Variants in RPS2 observed in about 807,000 individuals in gnomAD.
RPS2 encodes the protein small ribosomal subunit protein uS5.
A neutral mutation model predicts 25.3 loss-of-function variants in RPS2; 8 were observed. That is an observed-to-expected ratio of 0.32 (90% CI 0.19 to 0.57). RPS2 has a LOEUF of 0.57. Ranked by LOEUF, RPS2 falls within the 20% of genes least tolerant of loss-of-function variation. The pLI, the probability that RPS2 is intolerant of heterozygous loss-of-function variation, is 0.90. For synonymous variants in RPS2, 181 were observed against 161.3 expected (o/e 1.12, Z -0.92); for missense variants, 229 against 408.1 (o/e 0.56, Z 3.78).
intron 6 of RPS2, 46 bp from the exon 7 acceptor site, chr16:1,962,316 C>T: frequency 6.4e-7 from 1 of 1,566,932 alleles, no homozygotes; most frequent in East Asian, 2.2e-5. Flanking sequence ...GTGCTTGAGG[C>T]AAGTCCCCCA....
intron 3 of RPS2, chr16:1,963,988 T>C (rs1386106866): frequency 1.3e-5 from 6 of 455,350 alleles, no homozygotes; most frequent in Non-Finnish European, 2.0e-5. Context: ...CATCATCCTC[T>C]CGGATGGCAT....
chr16:1,964,742 G>A (rs2083291536), intron 1 of RPS2, 65 bp downstream of exon 1: 3 of 593,934 alleles, frequency 5.1e-6, no homozygotes, highest in South Asian at 2.3e-5. Flanking sequence ...GCCTAGACCC[G>A]ACCCGATGTC....
chr16:1,964,254 C>T (rs566334570), intron 3 of RPS2, 22 bp downstream of exon 3: 4 of 1,586,224 alleles, frequency 2.5e-6, no homozygotes, highest in Admixed American at 1.7e-5. Flanking sequence ...ACTTGCTCAA[C>T]GCCCCAACGA....
Position 1,962,434 on chromosome 16 carries a change from T to G in RPS2, c.709+63A>C, listed in dbSNP as rs757759922. On this transcript the variant is annotated intron_variant, in intron 6 of 6. Coordinates refer to ENST00000343262, the MANE Select transcript of RPS2 (RefSeq NM_002952.4). ...CCCTGAAAACACGCCAAGCACACACTGGACCCGTGTGGTTAAGCGGAGCTG... is the reference window on the plus strand; with the variant it reads ...CCCTGAAAACACGCCAAGCACACACGGGACCCGTGTGGTTAAGCGGAGCTG... The G allele has an allele frequency of 2.0e-6, 3 of 1,491,110 alleles. No individual in the cohort carries two copies. The South Asian group carries it at 3.4e-5, about 17-fold the overall frequency. The allele number at this position is 1,491,110 out of a possible 1,614,324, so 92.4% of individuals were successfully genotyped here. A position where few individuals can be genotyped will look rare whatever the true frequency, so the allele number is the denominator to read the frequency against.
In RPS2 at chr16:1,963,413, C is replaced by T. The variant is rs1013896559; in HGVS notation, c.268-157G>A. ...TGGGCGGATCACAAGGTCAGGAGTC[C>T]GATACCAGCCTGGCCACATGGTGAA... is the stretch of plus-strand genomic sequence containing the variant. On this transcript the variant is annotated intron_variant, in intron 3 of 6. Transcript: ENST00000343262. 6.0e-5 allele frequency among the ~76,000 whole-genome samples: 9 copies of T among 149,578 alleles called. 1 individual carries two copies. Among genetic ancestry groups the T allele is most frequent in the South Asian group, 4.5e-4 (2 of 4,440 alleles).
chr16:1,963,397 C>CTT, intron 3 of RPS2, 141 bp from the exon 4 acceptor site: 1 of 604,538 alleles, frequency 1.7e-6, no homozygotes, highest in East Asian at 2.9e-5. Context: ...GTGGGCGGAT[C>CTT]ACAAGGTCAG....
chr16:1,964,399 G>C, intron 2 of RPS2, 34 bp from the exon 3 acceptor site: 2 of 1,612,978 alleles, frequency 1.2e-6, no homozygotes, highest in African/African-American at 2.7e-5. Context: ...GACCAGGACC[G>C]CTCTCCGGCG....
intron 4 of RPS2, 92 bp downstream of exon 4, chr16:1,963,057 C>A (rs753176895): frequency 2.2e-6 from 3 of 1,371,806 alleles, no homozygotes; most frequent in Non-Finnish European, 3.1e-6. Flanking sequence ...CTCCCCGTTA[C>A]GAAAGTCACA....
chr16:1,964,794 C>G lies in RPS2; in HGVS notation c.-4+13G>C, dbSNP rs557190217. On this transcript the variant is annotated intron_variant, in intron 1 of 6. Coordinates refer to ENST00000343262, the MANE Select transcript of RPS2 (RefSeq NM_002952.4). ...CCACGCAGAGGCCCGCTGCAGCGACCAACAGGACTCACGTGTTTTGTCGGA... is the reference window on the plus strand; with the variant it reads ...CCACGCAGAGGCCCGCTGCAGCGACGAACAGGACTCACGTGTTTTGTCGGA... 1 of 547,870 alleles carries G rather than the reference C, an allele frequency of 1.8e-6. No individual in the cohort carries two copies. The allele number at this position is 547,870 out of a possible 1,614,324, so 33.9% of individuals were successfully genotyped here.
chr16:1,964,433 C>G lies in RPS2; in HGVS notation c.177+16G>C. Reference sequence around the variant, plus strand: ...CGCCGCCCAGGGGCCCGACCCCGAGCGTGGCTGATACCTACCTCCTTATCC... The same window carrying G: ...CGCCGCCCAGGGGCCCGACCCCGAGGGTGGCTGATACCTACCTCCTTATCC... On this transcript the variant is annotated intron_variant, in intron 2 of 6. Coordinates refer to ENST00000343262, the MANE Select transcript of RPS2 (RefSeq NM_002952.4). 2 of 1,612,360 alleles carry G rather than the reference C, an allele frequency of 1.2e-6. No homozygotes were observed. Among genetic ancestry groups the G allele is most frequent in the Non-Finnish European group, 8.5e-7 (1 of 1,179,820 alleles).
intron 6 of RPS2, 76 bp from the exon 7 acceptor site, chr16:1,962,346 C>T (rs746035816): frequency 4.1e-6 from 6 of 1,446,002 alleles, no homozygotes; most frequent in South Asian, 3.4e-5. Context: ...TTGTCGCACT[C>T]CTAGGAACAG....
In RPS2 at chr16:1,962,564, G is replaced by A. The variant is rs762629626; in HGVS notation, c.642C>T (p.Leu214=). Residue 214 remains leucine (L), a synonymous_variant, in exon 6 of 7, where the codon CTC becomes CTT. Transcript: ENST00000343262. ...AGCAGTCATCGATACCAGCCATCAT[G>A]AGCAGCTTCTTAGGCACAGGTGCGG... is the stretch of plus-strand genomic sequence containing the variant. ...IVSAPVPKKL[L]MMAGIDDCYT... The A allele has an allele frequency of 5.6e-6, 9 of 1,611,288 alleles. No individual in the cohort carries two copies. Among genetic ancestry groups the A allele is most frequent in the African/African-American group, 4.0e-5 (3 of 74,862 alleles).
At chr16:1,963,300 CTT>C (rs1245681943) in intron 3 of RPS2, 44 bp from the exon 4 acceptor site, 5 of 1,272,780 alleles carry the variant, frequency 3.9e-6, no homozygotes, top group Admixed American at 2.3e-5. Context: ...TAAAAAAAAA[CTT>C]AATACCATTA....
chr16:1,963,125 G>A (rs2083272669), intron 4 of RPS2, 24 bp downstream of exon 4: 3 of 1,570,480 alleles, frequency 1.9e-6, no homozygotes, highest in Non-Finnish European at 2.6e-6. Flanking sequence ...GCCCAGCGCA[G>A]CCCCCTCCAG....
chr16:1,964,256 C>A lies in RPS2; in HGVS notation c.267+20G>T, dbSNP rs1348204621. 1 of 1,594,156 alleles carries A rather than the reference C, an allele frequency of 6.3e-7. No individual in the cohort carries two copies. The highest frequency in any genetic ancestry group is 8.6e-7 in the Non-Finnish European group (1 of 1,162,978). On this transcript the variant is annotated intron_variant, in intron 3 of 6. Coordinates refer to ENST00000343262, the MANE Select transcript of RPS2 (RefSeq NM_002952.4). Reference sequence around the variant, plus strand: ...ACTCCGGGGTCGCACTTGCTCAACGCCCCAACGACCGACGCGTACCTTAAT... The same window carrying A: ...ACTCCGGGGTCGCACTTGCTCAACGACCCAACGACCGACGCGTACCTTAAT...
rs1041267949 is a variant in RPS2, at chr16:1,964,092, G to A, written c.267+184C>T. The A allele has an allele frequency of 1.3e-5, 8 of 596,148 alleles. No individual in the cohort carries two copies. In the East Asian group the frequency reaches 1.4e-4, roughly 11 times the overall value. 36.9% of individuals were successfully genotyped at this position (596,148 alleles called of 1,614,324 possible). A position where few individuals can be genotyped will look rare whatever the true frequency, so the allele number is the denominator to read the frequency against. The stretch of plus-strand genomic sequence containing the variant: ...AAATGCCTTTTGTGGCTCTGGCTTC[G>A]CTCAGGTATCCATCCAACCTCTAAG... On this transcript the variant is annotated intron_variant, in intron 3 of 6. Coordinates refer to ENST00000343262, the MANE Select transcript of RPS2 (RefSeq NM_002952.4).
intron 2 of RPS2, 36 bp downstream of exon 2, chr16:1,964,413 C>T: frequency 6.2e-7 from 1 of 1,612,922 alleles, no homozygotes. Context: ...TCCGGCGCCG[C>T]CCAGGGGCCC....
At chr16:1,964,030 C>T (rs6366) in intron 3 of RPS2, 1 of 535,014 alleles carries the variant, frequency 1.9e-6, no homozygotes, top group Non-Finnish European at 3.4e-6. Flanking sequence ...TCAGTTCTTT[C>T]GAAATGAATT....
Position 1,964,655 on chromosome 16 carries a change from G to C in RPS2, c.-3-27C>G, listed in dbSNP as rs778112971. 2.5e-6 allele frequency: 3 copies of C among 1,223,056 alleles called. No individual in the cohort carries two copies. In the African/African-American group the frequency reaches 4.7e-5, roughly 19 times the overall value. The allele number at this position is 1,223,056 out of a possible 1,614,324, so 75.8% of individuals were successfully genotyped here. A position where few individuals can be genotyped will look rare whatever the true frequency, so the allele number is the denominator to read the frequency against. ...TGGGAAAAGCGACAAGAAGGAACTA[G>C]TCAGTGTGGCCTACGCATCTGGCAG... On this transcript the variant is annotated intron_variant, in intron 1 of 6. Coordinates refer to ENST00000343262, the MANE Select transcript of RPS2 (RefSeq NM_002952.4).
Sources: allele counts gnomAD v4.1 joint callset (sites outside exome capture counted in the v4.1 genomes callset), GRCh38; gene constraint gnomAD v4.1.1; transcripts MANE v1.5; gene names NCBI Gene and HGNC (gene_info 2026-07-23, HGNC 2026-07-21).